Variants in FER observed in about 807,000 individuals in gnomAD.
The protein encoded by FER is FER tyrosine kinase, also known as tyrosine-protein kinase Fer.
FER carries 63 observed loss-of-function variants against 111.0 expected under a neutral mutation model. The observed-to-expected ratio is 0.57, with a 90% CI of 0.46 to 0.70. FER has a LOEUF of 0.70. Among genes scored for constraint, FER ranks in the 30% least tolerant of loss-of-function variants. FER has a pLI of 0.00. For missense variants in FER, 914 were observed against 954.0 expected (o/e 0.96, Z 0.55); for synonymous variants, 327 against 313.9 (o/e 1.04, Z -0.44).
intron 2 of FER, among the ~76,000 whole-genome samples, chr5:108,791,303 CA>C (rs752777938): frequency 0.23 from 35,587 of 151,836 alleles, 4,397 homozygotes; most frequent in African/African-American, 0.3. Flanking sequence ...TGCTAAACTA[CA>C]TGTCTGTCTT....
chr5:109,037,434 A>G lies in FER; in HGVS notation c.1669A>G (p.Ile557Val). The G allele has an allele frequency of 6.2e-7, 1 of 1,611,808 alleles. No homozygotes were observed. The highest frequency in any genetic ancestry group is 8.5e-7 in the Non-Finnish European group (1 of 1,178,362). The change falls in exon 14 of 20, where the codon ATT (isoleucine) becomes GTT (valine). Residue 557 changes from isoleucine to valine, a missense_variant. Physicochemically the swap from Ile to Val is conservative, Grantham distance 29 (BLOSUM62 3). Coordinates refer to ENST00000281092, the MANE Select transcript of FER (RefSeq NM_005246.4). ...LNPIPKDKKW[I>V]LSHEDVILGE... ...TTCTTTGCTGTAGGACAAGAAATGGATTCTCAGTCATGAAGATGTCATATT... is the reference window on the plus strand; with the variant it reads ...TTCTTTGCTGTAGGACAAGAAATGGGTTCTCAGTCATGAAGATGTCATATT...
chr5:108,829,268 A>G (rs538803317), intron 3 of FER, among the ~76,000 whole-genome samples: 26 of 151,974 alleles, frequency 1.7e-4, no homozygotes, highest in African/African-American at 5.3e-4. Context: ...TATTTCTGTT[A>G]TTTTTTCAGT....
chr5:109,068,925 A>C (rs576724131), intron 16 of FER, among the ~76,000 whole-genome samples: 3 of 152,340 alleles, frequency 2.0e-5, no homozygotes, highest in Admixed American at 6.5e-5. Flanking sequence ...AATGATATCC[A>C]ACCTTTTGAA....
chr5:108,858,348 A>C (rs1316896587), intron 5 of FER, among the ~76,000 whole-genome samples: 2 of 152,236 alleles, frequency 1.3e-5, no homozygotes, highest in African/African-American at 4.8e-5. Flanking sequence ...CTGAAAAATG[A>C]AACTTAAAGA....
chr5:108,927,250 C>CTTTTTTTTTTTTTT (rs773963733), intron 10 of FER, among the ~76,000 whole-genome samples: 22 of 95,372 alleles, frequency 2.3e-4, no homozygotes, highest in African/African-American at 3.0e-4. Context: ...TGAGAAGTGG[C>CTTTTTTTTTTTTTT]TCTTTTTTTT....
chr5:109,065,966 A>G (rs1775041930), intron 16 of FER, among the ~76,000 whole-genome samples: 1 of 152,248 alleles, frequency 6.6e-6, no homozygotes, highest in African/African-American at 2.4e-5. Context: ...ACATGATCAC[A>G]TTTGATAATA....
At chr5:108,785,738 C>A (rs1424369955) in intron 2 of FER, among the ~76,000 whole-genome samples, 2 of 152,154 alleles carry the variant, frequency 1.3e-5, no homozygotes, top group African/African-American at 4.8e-5. Context: ...GACATCTATT[C>A]TATTCTGGGA....
At chr5:109,035,134 A>G (rs1770195767) in intron 13 of FER, among the ~76,000 whole-genome samples, 2 of 151,102 alleles carry the variant, frequency 1.3e-5, no homozygotes, top group South Asian at 4.2e-4. Context: ...CCCGGGTTCA[A>G]GCGATTCTCC....
At position 108,845,039 on chromosome 5, in the gene FER, T is replaced by C. The variant is rs1179459990; in HGVS notation, c.481+9232T>C. 2.0e-3 allele frequency among the ~76,000 whole-genome samples: 103 copies of C among 52,106 alleles called. 2 individuals carry two copies. Among genetic ancestry groups the C allele is most frequent in the Admixed American group, 5.2e-3 (20 of 3,824 alleles). 34.2% of individuals were successfully genotyped at this position (52,106 alleles called of 152,430 possible). A position where few individuals can be genotyped will look rare whatever the true frequency, so the allele number is the denominator to read the frequency against. Reference sequence around the variant, plus strand: ...ATATATATATATATATATATATATATACATATATATATATATATATATATA... The same window carrying C: ...ATATATATATATATATATATATATACACATATATATATATATATATATATA... On this transcript the variant is annotated intron_variant, in intron 5 of 19. Transcript: ENST00000281092.
chr5:109,103,050 C>T (rs930679960), intron 17 of FER, among the ~76,000 whole-genome samples: 10 of 151,866 alleles, frequency 6.6e-5, no homozygotes, highest in Admixed American at 1.3e-4. Context: ...ACAGTTTTTT[C>T]CTCACTGAAA....
intron 3 of FER, among the ~76,000 whole-genome samples, chr5:108,798,785 C>CTGCA (rs1361603349): frequency 6.6e-6 from 1 of 152,108 alleles, no homozygotes; most frequent in Admixed American, 6.6e-5. Flanking sequence ...TAGATCAAGG[C>CTGCA]TGCAGTGAGC....
intron 13 of FER, among the ~76,000 whole-genome samples, chr5:108,981,402 G>A (rs1762002883): frequency 6.6e-6 from 1 of 151,694 alleles, no homozygotes; most frequent in South Asian, 2.1e-4. Flanking sequence ...TTTAAGGAGG[G>A]TATAAATACA....
intron 13 of FER, among the ~76,000 whole-genome samples, chr5:109,031,144 T>C (rs72790558): frequency 0.19 from 28,154 of 151,962 alleles, 2,770 homozygotes; most frequent in Non-Finnish European, 0.22. Context: ...AGGACTCTTA[T>C]ATAATCCAGG....
At chr5:108,753,668 T>C (rs1271492209) in intron 1 of FER, among the ~76,000 whole-genome samples, 1 of 152,218 alleles carries the variant, frequency 6.6e-6, no homozygotes, top group African/African-American at 2.4e-5. Flanking sequence ...TGTATATTAG[T>C]TGTGTCTTTT....
At chr5:108,756,471 T>C (rs893951121) in intron 1 of FER, among the ~76,000 whole-genome samples, 25 of 152,140 alleles carry the variant, frequency 1.6e-4, no homozygotes, top group African/African-American at 5.1e-4. Context: ...TGTATTTGGC[T>C]AAGTACCATT....
At chr5:108,958,495 A>G (rs1758726236) in intron 12 of FER, among the ~76,000 whole-genome samples, 1 of 151,712 alleles carries the variant, frequency 6.6e-6, no homozygotes, top group Admixed American at 6.6e-5. Flanking sequence ...CAACCTACTC[A>G]TAGGCCAATT....
rs538193351 is a variant in FER at position 108,825,027 on chromosome 5, A to G, written c.208-7743A>G. On this transcript the variant is annotated intron_variant, in intron 3 of 19. Transcript: ENST00000281092. The stretch of plus-strand genomic sequence containing the variant: ...GTGTGCGAATAGGTGTGGGTGACAG[A>G]CAAAAAGTACTTAACAGGGTAATAG... Among the ~76,000 whole-genome samples, 3 of 152,310 alleles carry G rather than the reference A, an allele frequency of 2.0e-5. No homozygotes were observed. In the East Asian group the frequency reaches 5.8e-4, roughly 29 times the overall value.
chr5:109,155,717 A>G (rs1755297970), intron 17 of FER, among the ~76,000 whole-genome samples: 1 of 151,992 alleles, frequency 6.6e-6, no homozygotes, highest in African/African-American at 2.4e-5. Flanking sequence ...ACTCTCTTAC[A>G]CAATTCTGAA....
intron 13 of FER, among the ~76,000 whole-genome samples, chr5:109,026,358 C>G (rs958447520): frequency 6.6e-6 from 1 of 151,926 alleles, no homozygotes. Context: ...AACATTTAAA[C>G]AAATACTCGG....
Sources: allele counts gnomAD v4.1 joint callset (sites outside exome capture counted in the v4.1 genomes callset), GRCh38; gene constraint gnomAD v4.1.1; transcripts MANE v1.5; gene names NCBI Gene and HGNC (gene_info 2026-07-23, HGNC 2026-07-21).